Variants in SCAND3 observed in about 807,000 individuals in gnomAD.
SCAND3 encodes the protein SCAN domain-containing protein 3.
the SCAND3 span, chr6:28,593,602 G>A: frequency 8.5e-5 from 13 of 152,396 alleles, no homozygotes; most frequent in Non-Finnish European, 1.6e-4. Flanking sequence ...TTGAAACCGG[G>A]AGGCGGAGAT....
chr6:28,606,808 C>T, the SCAND3 span, among the ~76,000 whole-genome samples: 3 of 152,190 alleles, frequency 2.0e-5, no homozygotes, highest in Non-Finnish European at 2.9e-5. Flanking sequence ...GACTGGAACT[C>T]GGTAGGCGAG....
the SCAND3 span, among the ~76,000 whole-genome samples, chr6:28,596,899 T>C: frequency 2.0e-5 from 3 of 152,164 alleles, no homozygotes; most frequent in African/African-American, 4.8e-5. Flanking sequence ...AGGCTGAAAA[T>C]ACCTGCAAAA....
At chr6:28,608,016 CCAT>C in the SCAND3 span, among the ~76,000 whole-genome samples, 1 of 152,140 alleles carries the variant, frequency 6.6e-6, no homozygotes, top group Admixed American at 6.6e-5. Context: ...CTCCTAATTG[CCAT>C]CATGTTCCCA....
the SCAND3 span, among the ~76,000 whole-genome samples, chr6:28,595,549 C>A: frequency 6.6e-6 from 1 of 151,872 alleles, no homozygotes; most frequent in East Asian, 1.9e-4. Flanking sequence ...TGGCGAGACC[C>A]CGTCTCTACT....
At chr6:28,570,687 T>C in the SCAND3 span, 2 of 152,200 alleles carry the variant, frequency 1.3e-5, no homozygotes, top group African/African-American at 4.8e-5. Flanking sequence ...AATATCACAT[T>C]TATTTGAAAC....
At chr6:28,597,427 C>T in the SCAND3 span, among the ~76,000 whole-genome samples, 1 of 151,986 alleles carries the variant, frequency 6.6e-6, no homozygotes, top group Non-Finnish European at 1.5e-5. Context: ...TCGTCACATG[C>T]TAAGCGTGGC....
At chr6:28,615,220 C>G in the SCAND3 span, among the ~76,000 whole-genome samples, 1 of 152,152 alleles carries the variant, frequency 6.6e-6, no homozygotes, top group Non-Finnish European at 1.5e-5. Context: ...ATTCCCCTCT[C>G]AAAACATTTC....
chr6:28,581,616 C>A, the SCAND3 span, among the ~76,000 whole-genome samples: 10 of 152,140 alleles, frequency 6.6e-5, no homozygotes, highest in African/African-American at 2.4e-4. Flanking sequence ...CTCATGCTTA[C>A]CATCACTTAA....
the SCAND3 span, among the ~76,000 whole-genome samples, chr6:28,605,967 TA>T: frequency 6.6e-6 from 1 of 152,150 alleles, no homozygotes. Context: ...ACAGGACAAC[TA>T]AATGCAACGC....
chr6:28,586,581 T>C, the SCAND3 span: 1 of 1,614,236 alleles, frequency 6.2e-7, no homozygotes, highest in Admixed American at 1.7e-5. The surrounding 1 kb of genome is among the most constrained non-coding windows in gnomAD (Gnocchi z 4.4). Flanking sequence ...TTCCCTGGTA[T>C]AAGACAAATT....
At chr6:28,575,858 CTTG>C in the SCAND3 span, 1 of 1,614,090 alleles carries the variant, frequency 6.2e-7, no homozygotes, top group Non-Finnish European at 8.5e-7. This position sits in a 1 kb window ranked among gnomAD's most constrained non-coding sequence, Gnocchi z 4.2. Context: ...TTCTCATTTC[CTTG>C]TACAAGGATA....
chr6:28,589,965 TC>T, the SCAND3 span: 3 of 151,260 alleles, frequency 2.0e-5, no homozygotes, highest in Non-Finnish European at 4.4e-5. Context: ...CTTTCTCTAG[TC>T]CCCTGTACTT....
the SCAND3 span, among the ~76,000 whole-genome samples, chr6:28,604,053 A>G: frequency 6.6e-6 from 1 of 152,230 alleles, no homozygotes; most frequent in Non-Finnish European, 1.5e-5. Context: ...ACCTGCACTT[A>G]GAAGTAGCAC....
At chr6:28,583,065 G>T in the SCAND3 span, among the ~76,000 whole-genome samples, 1 of 152,006 alleles carries the variant, frequency 6.6e-6, no homozygotes, top group South Asian at 2.1e-4. Flanking sequence ...TGTGAGGAAA[G>T]GGGGGGCAAG....
At chr6:28,571,688 C>T in the SCAND3 span, 20 of 424,302 alleles carry the variant, frequency 4.7e-5, no homozygotes, top group Middle Eastern at 1.2e-3. Flanking sequence ...TTAATAAATA[C>T]GACAAATATG....
the SCAND3 span, among the ~76,000 whole-genome samples, chr6:28,602,082 C>T: frequency 6.6e-6 from 1 of 152,132 alleles, no homozygotes; most frequent in Admixed American, 6.6e-5. Flanking sequence ...GAAAGAAAGA[C>T]TCACTGAAAG....
the SCAND3 span, among the ~76,000 whole-genome samples, chr6:28,579,827 A>G: frequency 1.3e-5 from 2 of 151,516 alleles, no homozygotes; most frequent in African/African-American, 4.9e-5. This position sits in a 1 kb window ranked among gnomAD's most constrained non-coding sequence, Gnocchi z 4.5. Context: ...CAGGTGGATC[A>G]CCTGAGGTCA....
chr6:28,578,890 A>G, the SCAND3 span, among the ~76,000 whole-genome samples: 3 of 152,240 alleles, frequency 2.0e-5, no homozygotes, highest in Admixed American at 2.0e-4. Context: ...ATTCTAAGGT[A>G]GAATTTCCAA....
the SCAND3 span, chr6:28,574,762 T>C: frequency 6.2e-7 from 1 of 1,614,154 alleles, no homozygotes; most frequent in Non-Finnish European, 8.5e-7. Flanking sequence ...GCTGGTTTCA[T>C]AGCAAAGGCT....
Sources: gnomAD v4.1 joint callset for allele counts (sites outside exome capture counted in the v4.1 genomes callset) on GRCh38, gnomAD v4.1.1 for gene constraint, Gnocchi (gnomAD v3.1) non-coding constraint, MANE v1.5 for transcripts, NCBI Gene and HGNC (gene_info 2026-07-23, HGNC 2026-07-21) for gene names.